The following ESR1 variants were observed in gnomAD, a reference collection of about 807,000 sequenced individuals.
ESR1 encodes estrogen receptor 1, also known as estrogen receptor.
ESR1 carries 12 observed loss-of-function variants against 52.7 expected under a neutral mutation model. That is an observed-to-expected ratio of 0.23 (90% confidence interval 0.15 to 0.37). ESR1 has a LOEUF of 0.37. Ranked by LOEUF, ESR1 falls within the 10% of genes least tolerant of loss-of-function variation. ESR1 has a pLI of 1.00. For missense variants in ESR1, 584 were observed against 779.7 expected, an observed-to-expected ratio of 0.75 and a Z score of 2.99; for synonymous variants, 305 against 316.8, an observed-to-expected ratio of 0.96 and a Z score of 0.39.
chr6:151,954,629 C>T (rs1192282976), intron 4 of ESR1, among the ~76,000 whole-genome samples: 1 of 152,090 alleles, frequency 6.6e-6, no homozygotes, highest in Non-Finnish European at 1.5e-5. Context: ...ACATTTGATT[C>T]CTTTTACCTG....
At chr6:152,115,548 A>G (rs1009950846) in intron 6 of ESR1, among the ~76,000 whole-genome samples, 3 of 152,332 alleles carry the variant, frequency 2.0e-5, no homozygotes, top group Admixed American at 2.0e-4. Context: ...TTCTTAATGT[A>G]GACTAACTAG....
chr6:151,780,205 C>G (rs539531624), intron 2 of ESR1, among the ~76,000 whole-genome samples: 102 of 151,268 alleles, frequency 6.7e-4, no homozygotes, highest in African/African-American at 2.4e-3. Context: ...CAGGGCCTGT[C>G]GGGGGGTTGG....
At chr6:152,072,600 T>C (rs1052165642) in intron 6 of ESR1, among the ~76,000 whole-genome samples, 2 of 152,174 alleles carry the variant, frequency 1.3e-5, no homozygotes, top group Admixed American at 1.3e-4. Flanking sequence ...GTTCAGAAAG[T>C]GCCCTGTCTA....
chr6:151,912,452 G>A (rs2128440186), intron 3 of ESR1, among the ~76,000 whole-genome samples: 1 of 152,256 alleles, frequency 6.6e-6, no homozygotes, highest in African/African-American at 2.4e-5. Flanking sequence ...TGATCATAGA[G>A]GTTATCTCCT....
In ESR1 at chr6:151,737,270, A is replaced by G. The variant is rs548995126; in HGVS notation, c.-71+35265A>G. Among the ~76,000 whole-genome samples, 48 of 152,282 alleles carry G rather than the reference A, an allele frequency of 3.2e-4. 1 individual carries two copies. The highest frequency in any genetic ancestry group is 1.1e-3 in the African/African-American group (46 of 41,566). ...TAGACGTATGTTTGGTTATTTCTTTACGATAGAGTCCTAGAATCACCGGCT... is the reference window on the plus strand; with the variant it reads ...TAGACGTATGTTTGGTTATTTCTTTGCGATAGAGTCCTAGAATCACCGGCT... On this transcript the variant is annotated intron_variant, in intron 2 of 2. Transcript: ENST00000404742.
intron 4 of ESR1, among the ~76,000 whole-genome samples, chr6:152,002,240 G>A (rs142022994): frequency 9.6e-5 from 14 of 146,452 alleles, no homozygotes; most frequent in African/African-American, 3.1e-4. Flanking sequence ...TCACTAAAAC[G>A]ACAGTGTTGT....
At chr6:151,660,737 T>C (rs1175046627) in intron 1 of ESR1, among the ~76,000 whole-genome samples, 1 of 152,210 alleles carries the variant, frequency 6.6e-6, no homozygotes, top group Admixed American at 6.5e-5. Flanking sequence ...TATATTTAAC[T>C]CACAATAAAT....
intron 2 of ESR1, among the ~76,000 whole-genome samples, chr6:151,863,942 T>C (rs1789371376): frequency 6.6e-6 from 1 of 152,132 alleles, no homozygotes; most frequent in South Asian, 2.1e-4. Context: ...ATGTTAGAAC[T>C]AAAACCATAA....
At chr6:151,895,221 G>A (rs770380724) in intron 3 of ESR1, among the ~76,000 whole-genome samples, 1 of 151,160 alleles carries the variant, frequency 6.6e-6, no homozygotes, top group Non-Finnish European at 1.5e-5. Flanking sequence ...GTATAGCAGA[G>A]CTACTGATTT....
intron 2 of ESR1, among the ~76,000 whole-genome samples, chr6:151,861,478 G>A (rs9340831): frequency 0.025 from 3,790 of 152,220 alleles, 153 homozygotes; most frequent in African/African-American, 0.087. Context: ...AATTCAGGTA[G>A]CATGAATCAG....
chr6:151,885,706 T>C (rs1385583279), intron 3 of ESR1, among the ~76,000 whole-genome samples: 1 of 152,032 alleles, frequency 6.6e-6, no homozygotes, highest in Non-Finnish European at 1.5e-5. Flanking sequence ...CTCTACAAAA[T>C]TAGCCAGGTG....
At chr6:151,952,471 C>G (rs1403221160) in intron 4 of ESR1, among the ~76,000 whole-genome samples, 1 of 152,146 alleles carries the variant, frequency 6.6e-6, no homozygotes, top group Non-Finnish European at 1.5e-5. Flanking sequence ...CCTGAACTCC[C>G]TTCTCTCTAT....
intron 1 of ESR1, among the ~76,000 whole-genome samples, chr6:151,700,668 CT>C (rs34905961): frequency 0.012 from 1,377 of 117,192 alleles, 6 homozygotes; most frequent in East Asian, 0.076. Context: ...TTAAACTTTC[CT>C]TTTTTTTTTT....
intron 1 of ESR1, among the ~76,000 whole-genome samples, chr6:151,685,153 G>C (rs1778612256): frequency 9.8e-6 from 1 of 102,022 alleles, no homozygotes; most frequent in Non-Finnish European, 1.8e-5. Context: ...TTGAGACGGA[G>C]TCTCGCTCTG....
chr6:151,713,502 G>A (rs982487292), intron 2 of ESR1, among the ~76,000 whole-genome samples: 2 of 152,052 alleles, frequency 1.3e-5, no homozygotes, highest in Non-Finnish European at 2.9e-5. Context: ...ATTAATTCCT[G>A]CCTCAATTTC....
At chr6:151,751,485 A>G (rs924326251) in intron 2 of ESR1, among the ~76,000 whole-genome samples, 3 of 152,200 alleles carry the variant, frequency 2.0e-5, no homozygotes, top group Admixed American at 6.5e-5. Flanking sequence ...AATGAATGAC[A>G]GCAATGGTGC....
chr6:151,687,136 G>A (rs898458295), upstream of ESR1, among the ~76,000 whole-genome samples: 3 of 152,118 alleles, frequency 2.0e-5, no homozygotes, highest in South Asian at 2.1e-4. Context: ...TTCACATTTG[G>A]TCATGTCCTA....
intron 1 of ESR1, among the ~76,000 whole-genome samples, chr6:151,671,574 T>C (rs932624258): frequency 6.6e-6 from 1 of 152,078 alleles, no homozygotes; most frequent in Non-Finnish European, 1.5e-5. Flanking sequence ...GGGCACAAAG[T>C]TTTAGTTAGA....
intron 2 of ESR1, among the ~76,000 whole-genome samples, chr6:151,719,325 CAG>C (rs144901589): frequency 0.02 from 3,117 of 152,214 alleles, 36 homozygotes; most frequent in East Asian, 0.033. Flanking sequence ...CCAGGTAAGG[CAG>C]ATTGGCTGTG....
Sources: gnomAD v4.1 joint callset for allele counts (sites outside exome capture counted in the v4.1 genomes callset) on GRCh38, gnomAD v4.1.1 for gene constraint, MANE v1.5 for transcripts, NCBI Gene and HGNC (gene_info 2026-07-23, HGNC 2026-07-21) for gene names.